CELF2: variants seen among roughly 807,000 people sequenced by gnomAD.
CELF2 encodes the protein CUG triplet repeat RNA-binding protein 2.
In CELF2, 8 loss-of-function variants were observed where a neutral mutation model predicts 62.6. The ratio of observed to expected loss-of-function variants is 0.13; its 90% CI spans 0.07 to 0.23. CELF2 has a LOEUF of 0.23. CELF2 is among the 10% of genes least tolerant of loss of function. The pLI is 1.00. For synonymous variants in CELF2, 258 were observed against 250.0 expected (o/e 1.03, Z -0.30); for missense variants, 333 against 671.0 (o/e 0.50, Z 5.56).
At chr10:10,763,962 G>A in the CELF2 span, among the ~76,000 whole-genome samples, 9 of 152,240 alleles carry the variant, frequency 5.9e-5, no homozygotes, top group African/African-American at 2.2e-4. Context: ...TATTGTAGAT[G>A]GAGTGAATTA....
intron 1 of CELF2, among the ~76,000 whole-genome samples, chr10:11,146,712 C>T (rs1382461375): frequency 6.6e-6 from 1 of 152,188 alleles, no homozygotes; most frequent in Non-Finnish European, 1.5e-5. Context: ...TCTAAGAGGA[C>T]TTTTCAGGAT....
In CELF2 at chr10:11,277,889, G is replaced by GTAT. The variant is rs1273812052; in HGVS notation, c.841+2772_841+2774dup. On this transcript the variant is annotated intron_variant, in intron 8 of 12. Coordinates refer to ENST00000633077, the MANE Select transcript of CELF2 (RefSeq NM_001326342.2). ...TAAACAATTCACATGTAATTTTTCT[G>GTAT]TATTACATTGACAGATATATATAAA... Among the ~76,000 whole-genome samples, 4 of 152,122 alleles carry GTAT rather than the reference G, an allele frequency of 2.6e-5. No homozygotes were observed. The East Asian group carries it at 7.7e-4, about 29-fold the overall frequency.
chr10:10,702,649 A>G, the CELF2 span, among the ~76,000 whole-genome samples: 1 of 152,196 alleles, frequency 6.6e-6, no homozygotes, highest in African/African-American at 2.4e-5. Flanking sequence ...CCATGGCACA[A>G]TCCTGGCGCA....
intron 1 of CELF2, among the ~76,000 whole-genome samples, chr10:10,826,186 C>G (rs199624049): frequency 6.6e-6 from 1 of 151,760 alleles, no homozygotes; most frequent in African/African-American, 2.4e-5. Context: ...AAAAAACAAT[C>G]CTTAGTTTTT....
chr10:11,208,350 A>T (rs1283545391), intron 2 of CELF2, among the ~76,000 whole-genome samples: 1 of 152,202 alleles, frequency 6.6e-6, no homozygotes, highest in African/African-American at 2.4e-5. Context: ...CGCCTTCGGG[A>T]TGCAGACCCA....
At chr10:10,887,804 G>A (rs890530354) in intron 1 of CELF2, among the ~76,000 whole-genome samples, 2 of 149,080 alleles carry the variant, frequency 1.3e-5, no homozygotes, top group Admixed American at 6.7e-5. Flanking sequence ...ACAAAGTCTC[G>A]CTCTGTCGCC....
chr10:10,867,962 A>G lies in CELF2; in HGVS notation c.54-52002A>G, dbSNP rs186043680. ...ATCCTTCTTTCTTTCTTACCAAATG[A>G]TATTGTGTCCAGATTCTCACCTATA... On this transcript the variant is annotated intron_variant, in intron 1 of 13. Transcript: ENST00000636488. 1.3e-3 allele frequency among the ~76,000 whole-genome samples: 197 copies of G among 152,282 alleles called. 1 individual carries two copies. Among genetic ancestry groups the G allele is most frequent in the East Asian group, 3.1e-3 (16 of 5,182 alleles).
chr10:10,849,841 T>C (rs1430915361), intron 1 of CELF2, among the ~76,000 whole-genome samples: 1 of 139,906 alleles, frequency 7.1e-6, no homozygotes, highest in Admixed American at 6.9e-5. Context: ...AGCAATTGCT[T>C]TAAAAAAAAA....
the CELF2 span, among the ~76,000 whole-genome samples, chr10:10,581,053 T>C: frequency 6.6e-6 from 1 of 152,212 alleles, no homozygotes; most frequent in African/African-American, 2.4e-5. Context: ...AGATAATGTG[T>C]TTTTGTGTTT....
At chr10:10,572,955 G>A in the CELF2 span, among the ~76,000 whole-genome samples, 2 of 152,158 alleles carry the variant, frequency 1.3e-5, no homozygotes, top group Non-Finnish European at 2.9e-5. Flanking sequence ...CACAATGGTT[G>A]AACTAATTTA....
At chr10:10,968,717 A>C (rs2050421037) in intron 2 of CELF2, among the ~76,000 whole-genome samples, 1 of 146,306 alleles carries the variant, frequency 6.8e-6, no homozygotes, top group Admixed American at 7.2e-5. Context: ...GGATTTTACT[A>C]AAAGTGGTGA....
chr10:10,616,295 G>GTGT, the CELF2 span, among the ~76,000 whole-genome samples: 1 of 143,866 alleles, frequency 7.0e-6, no homozygotes, highest in African/African-American at 2.6e-5. Flanking sequence ...TTTTGTTTGG[G>GTGT]GTGTGTGTGT....
At chr10:10,877,357 A>G (rs1257953747) in intron 1 of CELF2, among the ~76,000 whole-genome samples, 1 of 152,268 alleles carries the variant, frequency 6.6e-6, no homozygotes, top group Non-Finnish European at 1.5e-5. Flanking sequence ...TTAGGGAGAC[A>G]TGAGACATCA....
At position 11,243,708 on chromosome 10, in the gene CELF2, G is replaced by T. The variant is rs764681752; in HGVS notation, c.355-5445G>T. 6.6e-6 allele frequency among the ~76,000 whole-genome samples: 1 copy of T among 152,186 alleles called. No individual in the cohort carries two copies. Among genetic ancestry groups the T allele is most frequent in the Non-Finnish European group, 1.5e-5 (1 of 68,026 alleles). On this transcript the variant is annotated intron_variant, in intron 3 of 12. Coordinates refer to ENST00000633077, the MANE Select transcript of CELF2 (RefSeq NM_001326342.2). This position sits in a 1 kb window ranked among gnomAD's most constrained non-coding sequence, Gnocchi z 4.1. Reference sequence around the variant, plus strand: ...TGTTTGTAAAATTCTTAGACTCGTCGAACAGCATAGACAGATCATGACAGC... The same window carrying T: ...TGTTTGTAAAATTCTTAGACTCGTCTAACAGCATAGACAGATCATGACAGC...
At chr10:11,077,299 T>C (rs1282866954) in intron 1 of CELF2, among the ~76,000 whole-genome samples, 1 of 152,196 alleles carries the variant, frequency 6.6e-6, no homozygotes, top group African/African-American at 2.4e-5. Context: ...GCTTTTATAA[T>C]GACCACCATT....
chr10:10,698,352 C>G, the CELF2 span, among the ~76,000 whole-genome samples: 1 of 152,186 alleles, frequency 6.6e-6, no homozygotes, highest in African/African-American at 2.4e-5. Context: ...TTGATCTCCG[C>G]TTTGATTCCT....
intron 1 of CELF2, chr10:11,030,396 C>A (rs967971804): frequency 1.3e-5 from 2 of 152,252 alleles, no homozygotes; most frequent in Admixed American, 6.5e-5. Flanking sequence ...TTTCCAAAAT[C>A]TGAGGTTGCA....
rs2095309254 is a variant in CELF2 at position 11,319,582 on chromosome 10, A to G, written c.1097-1607A>G. ...TTTTCATTAATAGATAGACCCCTTC[A>G]TAATGAGAAACAAAAGCAGACACAG... On this transcript the variant is annotated intron_variant, in intron 10 of 12. Transcript: ENST00000633077. The surrounding 1 kb of genome is among the most constrained non-coding windows in gnomAD (Gnocchi z 4.4). Among the ~76,000 whole-genome samples the G allele has an allele frequency of 6.6e-6, 1 of 152,186 alleles. No individual in the cohort carries two copies. The highest frequency in any genetic ancestry group is 6.5e-5 in the Admixed American group (1 of 15,280).
the CELF2 span, among the ~76,000 whole-genome samples, chr10:10,628,754 A>G: frequency 1.3e-5 from 2 of 152,202 alleles, no homozygotes; most frequent in Non-Finnish European, 2.9e-5. Context: ...TAAATGCAGC[A>G]CACCAACATG....
Sources: allele counts gnomAD v4.1 joint callset (sites outside exome capture counted in the v4.1 genomes callset), GRCh38; gene constraint gnomAD v4.1.1; non-coding constraint Gnocchi (gnomAD v3.1); transcripts MANE v1.5; gene names NCBI Gene and HGNC (gene_info 2026-07-23, HGNC 2026-07-21).